The following NFIB variants were observed in gnomAD, a reference collection of about 807,000 sequenced individuals.
NFIB encodes the protein nuclear factor I B.
Under a neutral mutation model 61.5 loss-of-function variants are expected in NFIB, and 11 were observed. That is an observed-to-expected ratio of 0.18 (90% confidence interval 0.11 to 0.30). The LOEUF is 0.30. NFIB is among the 10% of genes least tolerant of loss of function. The pLI is 1.00. For synonymous variants in NFIB, 260 were observed against 216.5 expected, an observed-to-expected ratio of 1.20 and a Z score of -1.76; for missense variants, 471 against 608.9, an observed-to-expected ratio of 0.77 and a Z score of 2.38.
chr9:14,280,121 A>C (rs569875361), intron 2 of NFIB, among the ~76,000 whole-genome samples: 11 of 152,272 alleles, frequency 7.2e-5, no homozygotes, highest in African/African-American at 2.6e-4. Flanking sequence ...TTTAGTACAA[A>C]GTCTGCTAAG....
chr9:14,407,954 G>A, the NFIB span, among the ~76,000 whole-genome samples: 2 of 152,090 alleles, frequency 1.3e-5, no homozygotes, highest in South Asian at 2.1e-4. Flanking sequence ...CTCAAAGCCC[G>A]GGGGTTACAG....
At chr9:14,162,757 C>T (rs1295245379) in intron 3 of NFIB, among the ~76,000 whole-genome samples, 1 of 151,982 alleles carries the variant, frequency 6.6e-6, no homozygotes, top group Admixed American at 6.6e-5. Flanking sequence ...GAATACTATT[C>T]TACTTTTGCT....
chr9:14,381,028 C>A (rs541118226), intron 1 of NFIB, among the ~76,000 whole-genome samples: 1 of 137,794 alleles, frequency 7.3e-6, no homozygotes. Flanking sequence ...GAGCCGAGAT[C>A]GCGCCACTGC....
At chr9:14,511,931 T>C in the NFIB span, among the ~76,000 whole-genome samples, 3,125 of 152,320 alleles carry the variant, frequency 0.021, 51 homozygotes, top group Middle Eastern at 0.037. Flanking sequence ...GGGTTCAATA[T>C]AGTTAATTTG....
chr9:14,240,670 T>C (rs1262826018), intron 2 of NFIB, among the ~76,000 whole-genome samples: 2 of 152,206 alleles, frequency 1.3e-5, no homozygotes, highest in Non-Finnish European at 2.9e-5. Flanking sequence ...TTACAAACAC[T>C]TGGCAGCATG....
chr9:14,155,815 A>G lies in NFIB; in HGVS notation c.685+10T>C, dbSNP rs1196319434. On this transcript the variant is annotated intron_variant, in intron 4 of 10. Transcript: ENST00000380953. ...TGCATGCTTAAGTAGTAACAAAACA[A>G]TTTACTTACTTCTGGATACTCTTAC... is the stretch of plus-strand genomic sequence containing the variant. 6.5e-7 allele frequency: 1 copy of G among 1,538,150 alleles called. No individual in the cohort carries two copies. The highest frequency in any genetic ancestry group is 1.9e-5 in the Admixed American group (1 of 52,836).
intron 1 of NFIB, among the ~76,000 whole-genome samples, chr9:14,341,754 G>A (rs564424755): frequency 1.2e-4 from 18 of 152,258 alleles, no homozygotes; most frequent in African/African-American, 2.4e-4. Flanking sequence ...CATGGCTCAC[G>A]GGCTTGCCAG....
At chr9:14,262,404 C>G (rs557421912) in intron 2 of NFIB, among the ~76,000 whole-genome samples, 3 of 152,230 alleles carry the variant, frequency 2.0e-5, no homozygotes, top group East Asian at 3.9e-4. Context: ...CGAATACACA[C>G]GAAAACATTT....
At position 14,307,860 on chromosome 9, in the gene NFIB, G is replaced by A. The variant is rs1040316353; in HGVS notation, c.31-340C>T. On this transcript the variant is annotated intron_variant, in intron 1 of 10. Transcript: ENST00000380953. This position sits in a 1 kb window ranked among gnomAD's most constrained non-coding sequence, Gnocchi z 5.3. ...TTTAAAATATAGGCAACTAACTAAGGTGCTTGGCACCTAATATAGTATTTC... is the reference window on the plus strand; with the variant it reads ...TTTAAAATATAGGCAACTAACTAAGATGCTTGGCACCTAATATAGTATTTC... The A allele has an allele frequency of 4.7e-5, 9 of 190,190 alleles. No individual in the cohort carries two copies. Among genetic ancestry groups the A allele is most frequent in the African/African-American group, 2.1e-4 (9 of 42,328 alleles). The allele number at this position is 190,190 out of a possible 1,614,324, so 11.8% of individuals were successfully genotyped here.
chr9:14,522,964 A>G, the NFIB span, among the ~76,000 whole-genome samples: 1 of 152,128 alleles, frequency 6.6e-6, no homozygotes, highest in African/African-American at 2.4e-5. Flanking sequence ...ATAATCCACA[A>G]TCAAATTTTT....
chr9:14,203,229 A>G (rs1437993791), intron 2 of NFIB, among the ~76,000 whole-genome samples: 1 of 152,150 alleles, frequency 6.6e-6, no homozygotes, highest in Non-Finnish European at 1.5e-5. Context: ...TGAGACAGAA[A>G]GCTACCCTTT....
intron 1 of NFIB, among the ~76,000 whole-genome samples, chr9:14,393,428 C>A (rs892933961): frequency 6.6e-6 from 1 of 152,154 alleles, no homozygotes; most frequent in African/African-American, 2.4e-5. Context: ...AGTCGTGTTA[C>A]CCTCTTCTGA....
upstream of NFIB, chr9:14,316,949 C>T (rs1475452398): frequency 1.3e-5 from 2 of 152,152 alleles, no homozygotes; most frequent in Non-Finnish European, 2.9e-5. Flanking sequence ...TCATAGAAGC[C>T]ATTATTTCGG....
intron 10 of NFIB, among the ~76,000 whole-genome samples, chr9:14,106,602 T>C (rs1171286847): frequency 6.6e-6 from 1 of 152,138 alleles, no homozygotes; most frequent in African/African-American, 2.4e-5. Context: ...AGGGGCCATC[T>C]GGTTCCTCTC....
chr9:14,443,370 T>C, the NFIB span, among the ~76,000 whole-genome samples: 5 of 152,152 alleles, frequency 3.3e-5, no homozygotes, highest in Admixed American at 6.5e-5. Flanking sequence ...TCTAATTAGC[T>C]ATCCAGCCTC....
At chr9:14,346,295 C>CG (rs1554715699) in intron 1 of NFIB, among the ~76,000 whole-genome samples, 2 of 141,360 alleles carry the variant, frequency 1.4e-5, no homozygotes, top group East Asian at 2.0e-4. Flanking sequence ...CCGACACCCC[C>CG]CCCCCGTAAC....
intron 3 of NFIB, among the ~76,000 whole-genome samples, chr9:14,178,619 CT>C (rs2046419915): frequency 6.6e-6 from 1 of 151,896 alleles, no homozygotes; most frequent in South Asian, 2.1e-4. Flanking sequence ...GATAATTTTT[CT>C]GAAATAAAAA....
chr9:14,192,722 A>G (rs1188926660), intron 2 of NFIB, among the ~76,000 whole-genome samples: 1 of 152,122 alleles, frequency 6.6e-6, no homozygotes, highest in Non-Finnish European at 1.5e-5. Context: ...CCCTTCAGGC[A>G]GCTCCAGCTC....
At chr9:14,525,251 T>C in the NFIB span, among the ~76,000 whole-genome samples, 1 of 152,168 alleles carries the variant, frequency 6.6e-6, no homozygotes, top group Non-Finnish European at 1.5e-5. Context: ...CAGGCAATGG[T>C]CAAACACCTT....
Sources: allele counts gnomAD v4.1 joint callset (sites outside exome capture counted in the v4.1 genomes callset), GRCh38; gene constraint gnomAD v4.1.1; non-coding constraint Gnocchi (gnomAD v3.1); transcripts MANE v1.5; gene names NCBI Gene and HGNC (gene_info 2026-07-23, HGNC 2026-07-21).